CADM4: variants seen among roughly 807,000 people sequenced by gnomAD.
The protein encoded by CADM4 is TSLC1-like 2.
In CADM4, 13 loss-of-function variants were observed where a neutral mutation model predicts 43.9. The observed-to-expected ratio is 0.30, with a 90% CI of 0.19 to 0.47. The LOEUF is 0.47. CADM4 is among the 20% of genes least tolerant of loss of function. The pLI is 1.00. For missense variants in CADM4, 420 were observed against 527.0 expected (o/e 0.80, Z 1.99); for synonymous variants, 209 against 220.9 (o/e 0.95, Z 0.48).
At position 43,627,776 on chromosome 19, in the gene CADM4, C is replaced by T. The variant is rs1219213705; in HGVS notation, c.79G>A (p.Val27Ile). The T allele has an allele frequency of 1.9e-6, 3 of 1,612,876 alleles. No individual in the cohort carries two copies. Among genetic ancestry groups the T allele is most frequent in the Non-Finnish European group, 2.5e-6 (3 of 1,179,042 alleles). The stretch of plus-strand genomic sequence containing the variant: ...GCCACTGTCACGTTCTCTGTCTGTA[C>T]TTCCTGTCCTGCCCCTGGACGATTA... ...AAAGPGAGQE[V>I]QTENVTVAEG... Residue 27 changes from valine (V) to isoleucine (I), a missense_variant, in exon 2 of 9, where the codon GTA (valine) becomes ATA (isoleucine). Coordinates refer to ENST00000222374, the MANE Select transcript of CADM4 (RefSeq NM_145296.2). The surrounding 1 kb of genome is among the most constrained non-coding windows in gnomAD (Gnocchi z 4.0).
Position 43,625,814 on chromosome 19 carries a change from C to G in CADM4, c.755+97G>C. On this transcript the variant is annotated intron_variant, in intron 6 of 8. Coordinates refer to ENST00000222374, the MANE Select transcript of CADM4 (RefSeq NM_145296.2). The surrounding 1 kb of genome is among the most constrained non-coding windows in gnomAD (Gnocchi z 4.5). ...CCTGTTTGTCCAGGTCCTCAGCTCT[C>G]TCCTCCTTAGGACCCAGGAGTCCAA... 1 of 1,019,562 alleles carries G rather than the reference C, an allele frequency of 9.8e-7. No homozygotes were observed. Among genetic ancestry groups the G allele is most frequent in the African/African-American group, 1.6e-5 (1 of 62,566 alleles). The allele number at this position is 1,019,562 out of a possible 1,614,324, so 63.2% of individuals were successfully genotyped here. A position where few individuals can be genotyped will look rare whatever the true frequency, so the allele number is the denominator to read the frequency against.
intron 1 of CADM4, among the ~76,000 whole-genome samples, chr19:43,628,210 G>A (rs528732632): frequency 6.6e-6 from 1 of 151,382 alleles, no homozygotes; most frequent in South Asian, 2.1e-4. Context: ...CGGATCGCAA[G>A]GTCAAGAGAT....
At position 43,626,388 on chromosome 19, in the gene CADM4, C is replaced by A; in HGVS notation, c.500-100G>T. The A allele has an allele frequency of 7.0e-7, 1 of 1,433,398 alleles. No homozygotes were observed. 88.8% of individuals were successfully genotyped at this position (1,433,398 alleles called of 1,614,324 possible). A position where few individuals can be genotyped will look rare whatever the true frequency, so the allele number is the denominator to read the frequency against. ...AGCAGGCTATTTGCCAAGCTCCACC[C>A]CTTACCCACAGGCCCCGCCTCTTGT... On this transcript the variant is annotated intron_variant, in intron 4 of 8. Transcript: ENST00000222374. The surrounding 1 kb of genome is among the most constrained non-coding windows in gnomAD (Gnocchi z 5.9).
In CADM4 at chr19:43,626,002, C is replaced by T; in HGVS notation, c.665-1G>A. Reference sequence around the variant, plus strand: ...GCATGAATCCGGGCCGTGGGGGAGTCTGTTAGGCAAAAGTAAGAGGAGAGA... The same window carrying T: ...GCATGAATCCGGGCCGTGGGGGAGTTTGTTAGGCAAAAGTAAGAGGAGAGA... On this transcript the variant is annotated splice_acceptor_variant, in intron 5 of 8. Transcript: ENST00000222374. LOFTEE classifies it high-confidence loss of function. This position sits in a 1 kb window ranked among gnomAD's most constrained non-coding sequence, Gnocchi z 5.9. 6.2e-7 allele frequency: 1 copy of T among 1,614,156 alleles called. No individual in the cohort carries two copies. Among genetic ancestry groups the T allele is most frequent in the Non-Finnish European group, 8.5e-7 (1 of 1,180,006 alleles).
At position 43,639,845 on chromosome 19, in the gene CADM4, C is replaced by G. The variant is rs1445277222; in HGVS notation, c.-55G>C. On this transcript the variant is annotated 5_prime_UTR_variant, in exon 1 of 9. Coordinates refer to ENST00000222374, the MANE Select transcript of CADM4 (RefSeq NM_145296.2). ...CTCCCGGCCCGGCACCTGCACCGCC[C>G]GCGCCGCCCGCCCCGCCCCCCGCGC... 1 of 977,826 alleles carries G rather than the reference C, an allele frequency of 1.0e-6. No individual in the cohort carries two copies. The highest frequency in any genetic ancestry group is 1.8e-5 in the African/African-American group (1 of 56,060). 60.6% of individuals were successfully genotyped at this position (977,826 alleles called of 1,614,324 possible).
intron 1 of CADM4, among the ~76,000 whole-genome samples, chr19:43,630,636 G>A (rs968060295): frequency 6.6e-6 from 1 of 152,064 alleles, no homozygotes; most frequent in Non-Finnish European, 1.5e-5. Flanking sequence ...GAAATGACTT[G>A]CCCAAGTTCA....
Position 43,623,230 on chromosome 19 carries a change from C to A in CADM4, c.*100G>T. The A allele has an allele frequency of 1.2e-6, 1 of 847,346 alleles. No homozygotes were observed. The highest frequency in any genetic ancestry group is 1.7e-5 in the African/African-American group (1 of 60,046). 52.5% of individuals were successfully genotyped at this position (847,346 alleles called of 1,614,324 possible). A position where few individuals can be genotyped will look rare whatever the true frequency, so the allele number is the denominator to read the frequency against. On this transcript the variant is annotated 3_prime_UTR_variant, in exon 9 of 9. Coordinates refer to ENST00000222374, the MANE Select transcript of CADM4 (RefSeq NM_145296.2). The surrounding 1 kb of genome is among the most constrained non-coding windows in gnomAD (Gnocchi z 4.4). Reference sequence around the variant, plus strand: ...TGTTAGTGGTGGGGGGAGAAGCCCACCATCCCAGACTCTGGTAAATGTCTT... The same window carrying A: ...TGTTAGTGGTGGGGGGAGAAGCCCAACATCCCAGACTCTGGTAAATGTCTT...
chr19:43,635,280 C>T (rs1015212169), intron 1 of CADM4, among the ~76,000 whole-genome samples: 10 of 152,080 alleles, frequency 6.6e-5, no homozygotes, highest in African/African-American at 2.4e-4. Flanking sequence ...CCCCTTCCTC[C>T]CTTAGGGAGG....
Position 43,626,811 on chromosome 19 carries a change from AGCGCAGGGTGGCAGCCGGACGGGACC to A in CADM4, c.446_471del (p.Arg149LeufsTer34). On this transcript the variant is annotated frameshift_variant, in exon 4 of 9. Transcript: ENST00000222374. LOFTEE classifies it high-confidence loss of function. The surrounding 1 kb of genome is among the most constrained non-coding windows in gnomAD (Gnocchi z 5.9). ...TTCAGCTCCTTGCGGTCCCGGTACC[AGCGCAGGGTGGCAGCCGGACGGGACC>A]GCGGAACGAGGCAGCTGAGCTCCAC... The A allele has an allele frequency of 6.2e-7, 1 of 1,606,564 alleles. No individual in the cohort carries two copies. The highest frequency in any genetic ancestry group is 8.5e-7 in the Non-Finnish European group (1 of 1,175,538).
chr19:43,627,157 G>A lies in CADM4; in HGVS notation c.364+9C>T. The A allele has an allele frequency of 6.4e-7, 1 of 1,560,250 alleles. No individual in the cohort carries two copies. The highest frequency in any genetic ancestry group is 8.7e-7 in the Non-Finnish European group (1 of 1,148,954). On this transcript the variant is annotated intron_variant, in intron 3 of 8. Coordinates refer to ENST00000222374, the MANE Select transcript of CADM4 (RefSeq NM_145296.2). This position sits in a 1 kb window ranked among gnomAD's most constrained non-coding sequence, Gnocchi z 4.0. ...GAGAGGATGCGTCTGACAAGGGGGA[G>A]GGCGTTACCTAGTACCGTGAGCGTG...
intron 1 of CADM4, among the ~76,000 whole-genome samples, chr19:43,630,093 C>T (rs1055100716): frequency 3.0e-4 from 45 of 151,640 alleles, no homozygotes; most frequent in African/African-American, 1.7e-4. Flanking sequence ...TTTTTAGAGA[C>T]GGAGTTTCAC....
chr19:43,634,236 C>G (rs1196171583), intron 1 of CADM4, among the ~76,000 whole-genome samples: 2 of 152,230 alleles, frequency 1.3e-5, no homozygotes, highest in African/African-American at 4.8e-5. Flanking sequence ...TTAGTGCAAC[C>G]TCCGGAAACA....
intron 1 of CADM4, among the ~76,000 whole-genome samples, chr19:43,632,508 G>A (rs895617109): frequency 7.9e-5 from 12 of 152,016 alleles, no homozygotes; most frequent in Non-Finnish European, 1.5e-4. Flanking sequence ...ACCCCTTCCC[G>A]GGGACTTCAA....
Position 43,625,028 on chromosome 19 carries a change from G to GC in CADM4, c.928+49dup. 1 of 332,756 alleles carries GC rather than the reference G, an allele frequency of 3.0e-6. No homozygotes were observed. The allele number at this position is 332,756 out of a possible 1,614,324, so 20.6% of individuals were successfully genotyped here. A position where few individuals can be genotyped will look rare whatever the true frequency, so the allele number is the denominator to read the frequency against. Reference sequence around the variant, plus strand: ...GCCTCTTTGCTCAAGCCCCGCCCCCGCCACCTGGCGCCCCGCCCCCGCCCT... The same window carrying GC: ...GCCTCTTTGCTCAAGCCCCGCCCCCGCCCACCTGGCGCCCCGCCCCCGCCCT... On this transcript the variant is annotated intron_variant, in intron 7 of 8. Transcript: ENST00000222374. The surrounding 1 kb of genome is among the most constrained non-coding windows in gnomAD (Gnocchi z 4.5).
intron 1 of CADM4, among the ~76,000 whole-genome samples, chr19:43,633,633 TTC>T (rs931322456): frequency 6.6e-6 from 1 of 152,050 alleles, no homozygotes; most frequent in African/African-American, 2.4e-5. Flanking sequence ...TTCGTCTTTC[TTC>T]TCTCTTTTTT....
intron 1 of CADM4, among the ~76,000 whole-genome samples, chr19:43,636,772 C>T (rs1301314539): frequency 5.1e-5 from 5 of 98,848 alleles, no homozygotes; most frequent in Non-Finnish European, 7.6e-5. Context: ...ACACAGGCGC[C>T]TGGCTCATGG....
Position 43,623,080 on chromosome 19 carries a change from T to A in CADM4, c.*250A>T. 1 of 403,396 alleles carries A rather than the reference T, an allele frequency of 2.5e-6. No individual in the cohort carries two copies. Among genetic ancestry groups the A allele is most frequent in the Non-Finnish European group, 4.5e-6 (1 of 220,692 alleles). The allele number at this position is 403,396 out of a possible 1,614,324, so 25.0% of individuals were successfully genotyped here. On this transcript the variant is annotated 3_prime_UTR_variant, in exon 9 of 9. Coordinates refer to ENST00000222374, the MANE Select transcript of CADM4 (RefSeq NM_145296.2). The surrounding 1 kb of genome is among the most constrained non-coding windows in gnomAD (Gnocchi z 4.4). ...CCAACCCAATCCCTACTGCCCTCAC[T>A]GGACTTGGGGGGTCTGGACCTTTGG...
At chr19:43,628,282 A>C (rs1973563108) in intron 1 of CADM4, among the ~76,000 whole-genome samples, 1 of 151,640 alleles carries the variant, frequency 6.6e-6, no homozygotes, top group Non-Finnish European at 1.5e-5. Context: ...AAAAAAAAAA[A>C]AAATTAGCTG....
intron 1 of CADM4, among the ~76,000 whole-genome samples, chr19:43,638,803 C>G (rs1230242147): frequency 6.6e-6 from 1 of 152,220 alleles, no homozygotes; most frequent in Non-Finnish European, 1.5e-5. Context: ...TTCTCACTTC[C>G]CCACACACAT....
Sources: gnomAD v4.1 joint callset for allele counts (sites outside exome capture counted in the v4.1 genomes callset) on GRCh38, gnomAD v4.1.1 for gene constraint, Gnocchi (gnomAD v3.1) non-coding constraint, MANE v1.5 for transcripts, NCBI Gene and HGNC (gene_info 2026-07-23, HGNC 2026-07-21) for gene names.